Variants in PARP4 observed in about 807,000 individuals in gnomAD.
PARP4 encodes the protein poly(ADP-ribose) polymerase family member 4.
In PARP4, 120 loss-of-function variants were observed where a neutral mutation model predicts 187.7. The observed-to-expected ratio is 0.64, with a 90% CI of 0.55 to 0.74. The LOEUF is 0.74. Among genes scored for constraint, PARP4 ranks in the 30% least tolerant of loss-of-function variants. The pLI is 0.00. For missense variants in PARP4, 1,836 were observed against 2,070.5 expected (o/e 0.89, Z 2.20); for synonymous variants, 654 against 740.9 (o/e 0.88, Z 1.90).
chr13:24,446,323 C>T (rs900061667), intron 27 of PARP4, among the ~76,000 whole-genome samples: 1 of 152,180 alleles, frequency 6.6e-6, no homozygotes, highest in Admixed American at 6.5e-5. Context: ...AAAGTATACT[C>T]ATTTGTACAT....
chr13:24,431,512 T>TAAAATGTGAATAACA, intron 31 of PARP4, 36 bp from the exon 32 acceptor site: 1 of 1,352,082 alleles, frequency 7.4e-7, no homozygotes, highest in Non-Finnish European at 1.0e-6. Context: ...AGTTATGTTA[T>TAAAATGTGAATAACA]TCACATTTTA....
At chr13:24,471,070 AG>A (rs1872712475) in intron 15 of PARP4, among the ~76,000 whole-genome samples, 1 of 152,202 alleles carries the variant, frequency 6.6e-6, no homozygotes, top group African/African-American at 2.4e-5. Context: ...ATGACTGCTT[AG>A]AGTGTGCCTG....
intron 1 of PARP4, among the ~76,000 whole-genome samples, chr13:24,507,997 T>C (rs1461547373): frequency 6.6e-6 from 1 of 152,234 alleles, no homozygotes; most frequent in Non-Finnish European, 1.5e-5. Context: ...CTGAAGTCTC[T>C]TGATGTAATT....
intron 32 of PARP4, among the ~76,000 whole-genome samples, chr13:24,430,008 C>T (rs551657465): frequency 1.3e-5 from 2 of 152,326 alleles, no homozygotes; most frequent in South Asian, 4.1e-4. Flanking sequence ...GGCTTTCTTT[C>T]TTTCAAAGAT....
At chr13:24,462,949 G>A (rs908722012) in intron 17 of PARP4, among the ~76,000 whole-genome samples, 4 of 152,180 alleles carry the variant, frequency 2.6e-5, no homozygotes, top group Admixed American at 6.5e-5. Flanking sequence ...GAAGGAGAAA[G>A]AGAGAGAATG....
chr13:24,483,600 A>C (rs960553173), intron 12 of PARP4, among the ~76,000 whole-genome samples: 4 of 151,934 alleles, frequency 2.6e-5, no homozygotes, highest in African/African-American at 9.7e-5. Flanking sequence ...ACTCCTGAGT[A>C]GCTGGGACTA....
Position 24,442,669 on chromosome 13 carries a change from A to T in PARP4, c.3464T>A (p.Leu1155Ter). Residue 1155 changes from leucine to a stop codon, truncating the protein, a stop_gained, in exon 29 of 34, where the codon TTG becomes TAG. Coordinates refer to ENST00000381989, the MANE Select transcript of PARP4 (RefSeq NM_006437.4). LOFTEE classifies it high-confidence loss of function. ...ACTGAGTTTAATAATCAGAGATTTCAAGGTTTGTTTTTTCATCTAGGATAG... is the reference window on the plus strand; with the variant it reads ...ACTGAGTTTAATAATCAGAGATTTCTAGGTTTGTTTTTTCATCTAGGATAG... ...ETSHEMKKQT[L>*]KSLIIKLSKE... 6.3e-7 allele frequency: 1 copy of T among 1,583,906 alleles called. No homozygotes were observed. Among genetic ancestry groups the T allele is most frequent in the Non-Finnish European group, 8.7e-7 (1 of 1,152,608 alleles).
chr13:24,474,177 G>A (rs1872863887), intron 15 of PARP4, among the ~76,000 whole-genome samples: 1 of 152,118 alleles, frequency 6.6e-6, no homozygotes, highest in African/African-American at 2.4e-5. Flanking sequence ...TTCCTGGGCC[G>A]CTGTCTTTCT....
intron 4 of PARP4, among the ~76,000 whole-genome samples, chr13:24,499,994 CT>C (rs1261815217): frequency 6.6e-6 from 1 of 151,204 alleles, no homozygotes; most frequent in East Asian, 2.0e-4. Flanking sequence ...AACAAACTGT[CT>C]TTACTCTAAA....
chr13:24,500,340 T>C lies in PARP4; in HGVS notation c.377A>G (p.Glu126Gly), dbSNP rs1282638303. The change falls in exon 4 of 34, where the codon GAG (glutamate) becomes GGG (glycine). Residue 126 changes from glutamate (E) to glycine (G), a missense_variant. By Grantham distance (98) the Glu-to-Gly change is moderately conservative. Coordinates refer to ENST00000381989, the MANE Select transcript of PARP4 (RefSeq NM_006437.4). Reference protein sequence around the residue: ...EGLCPDSATEEEDTVELTEFG... With the variant: ...EGLCPDSATEGEDTVELTEFG... The stretch of plus-strand genomic sequence containing the variant: ...CTCAGTGAGTTCCACAGTGTCTTCC[T>C]CCTCTGTGGCACTGTCCGGGCATAG... The C allele has an allele frequency of 6.2e-7, 1 of 1,602,636 alleles. No homozygotes were observed. Among genetic ancestry groups the C allele is most frequent in the African/African-American group, 1.3e-5 (1 of 74,408 alleles).
intron 32 of PARP4, among the ~76,000 whole-genome samples, chr13:24,429,270 G>C (rs1404114052): frequency 6.6e-6 from 1 of 152,120 alleles, no homozygotes; most frequent in African/African-American, 2.4e-5. Context: ...TTTAATAGCA[G>C]TTTTAAAGTC....
chr13:24,486,916 C>T (rs550262671), intron 10 of PARP4, among the ~76,000 whole-genome samples: 69 of 151,202 alleles, frequency 4.6e-4, no homozygotes, highest in Non-Finnish European at 7.7e-4. Flanking sequence ...GAGCCGAGAT[C>T]GCGCCACTGC....
intron 11 of PARP4, among the ~76,000 whole-genome samples, chr13:24,485,607 C>G (rs1873510379): frequency 6.6e-6 from 1 of 152,132 alleles, no homozygotes; most frequent in South Asian, 2.1e-4. Flanking sequence ...CCTGTGACTT[C>G]AGTTTCAGCC....
chr13:24,490,531 AGTAAT>A, intron 10 of PARP4, 132 bp downstream of exon 10: 1 of 700,392 alleles, frequency 1.4e-6, no homozygotes, highest in South Asian at 2.0e-5. Context: ...CAGAGAAGAA[AGTAAT>A]GTGTCATCAC....
intron 10 of PARP4, among the ~76,000 whole-genome samples, chr13:24,487,388 T>C (rs1346816730): frequency 6.6e-6 from 1 of 152,066 alleles, no homozygotes; most frequent in African/African-American, 2.4e-5. Context: ...CCATAAAATG[T>C]CTATTTTAAG....
At chr13:24,457,961 T>C (rs1296332957) in intron 20 of PARP4, among the ~76,000 whole-genome samples, 2 of 152,012 alleles carry the variant, frequency 1.3e-5, no homozygotes, top group African/African-American at 2.4e-5. Context: ...GGTCTGAAGT[T>C]CCTGCAGAAT....
intron 5 of PARP4, among the ~76,000 whole-genome samples, chr13:24,498,765 A>G (rs1459426190): frequency 6.6e-6 from 1 of 151,772 alleles, no homozygotes; most frequent in Non-Finnish European, 1.5e-5. Flanking sequence ...AAAAAAAAGG[A>G]TTTTGTTTTT....
intron 24 of PARP4, chr13:24,452,145 G>A (rs759111120): frequency 2.6e-6 from 1 of 383,612 alleles, no homozygotes; most frequent in East Asian, 4.4e-5. Flanking sequence ...AGCAATCCTA[G>A]GAGGTAGGTA....
At chr13:24,426,808 C>T (rs112569304) in intron 32 of PARP4, among the ~76,000 whole-genome samples, 2,391 of 142,400 alleles carry the variant, frequency 0.017, 66 homozygotes, top group African/African-American at 0.056. Context: ...AGGAGAACGG[C>T]GTGAACCCGG....
Sources: allele counts gnomAD v4.1 joint callset (sites outside exome capture counted in the v4.1 genomes callset), GRCh38; gene constraint gnomAD v4.1.1; transcripts MANE v1.5; gene names NCBI Gene and HGNC (gene_info 2026-07-23, HGNC 2026-07-21).